Variants in RNLS observed in about 807,000 individuals in gnomAD.
The protein encoded by RNLS is renalase, FAD dependent amine oxidase.
A neutral mutation model predicts 39.8 loss-of-function variants in RNLS; 39 were observed. The ratio of observed to expected loss-of-function variants is 0.98; its 90% CI spans 0.76 to 1.28. The LOEUF is 1.28. Among genes scored for constraint, RNLS ranks in the 50% most tolerant of loss-of-function variants. The pLI, the probability that RNLS is intolerant of heterozygous loss-of-function variation, is 0.00. For synonymous variants in RNLS, 147 were observed against 150.7 expected (o/e 0.98, Z 0.18); for missense variants, 410 against 413.3 (o/e 0.99, Z 0.07).
At chr10:88,240,415 A>ATTTTTTT in the RNLS span, among the ~76,000 whole-genome samples, 35 of 116,130 alleles carry the variant, frequency 3.0e-4, no homozygotes, top group East Asian at 1.8e-3. Context: ...CCTTTTTTTA[A>ATTTTTTT]AAAAAAAAAA....
chr10:88,248,457 C>G, the RNLS span, among the ~76,000 whole-genome samples: 1 of 152,044 alleles, frequency 6.6e-6, no homozygotes, highest in Non-Finnish European at 1.5e-5. Context: ...TAGCAAGAGT[C>G]CAGAAAGATC....
At chr10:88,391,171 A>G (rs1001003917) in intron 4 of RNLS, among the ~76,000 whole-genome samples, 2 of 152,202 alleles carry the variant, frequency 1.3e-5, no homozygotes, top group Admixed American at 6.5e-5. Flanking sequence ...TATGTCTTCC[A>G]GTGTAGTTGT....
intron 4 of RNLS, among the ~76,000 whole-genome samples, chr10:88,500,565 T>G (rs1845419207): frequency 6.6e-6 from 1 of 152,148 alleles, no homozygotes; most frequent in Non-Finnish European, 1.5e-5. Context: ...CAAAAGCAAT[T>G]TTTTAAAACT....
chr10:88,314,247 G>A (rs1845587587), intron 6 of RNLS, among the ~76,000 whole-genome samples: 1 of 152,116 alleles, frequency 6.6e-6, no homozygotes, highest in South Asian at 2.1e-4. Flanking sequence ...TGAATTTGAA[G>A]ACAACATTGG....
At chr10:88,265,425 G>T in the RNLS span, among the ~76,000 whole-genome samples, 1 of 134,374 alleles carries the variant, frequency 7.4e-6, no homozygotes, top group Admixed American at 8.2e-5. Flanking sequence ...CATTGAAATT[G>T]TAGATTGCTT....
At chr10:88,520,842 A>C (rs1442453881) in intron 4 of RNLS, among the ~76,000 whole-genome samples, 1 of 151,978 alleles carries the variant, frequency 6.6e-6, no homozygotes, top group Non-Finnish European at 1.5e-5. Context: ...CTACCTTAAC[A>C]GTCTTCCTGA....
the RNLS span, among the ~76,000 whole-genome samples, chr10:88,222,950 C>T: frequency 6.6e-6 from 1 of 152,240 alleles, no homozygotes; most frequent in Admixed American, 6.5e-5. Flanking sequence ...AGCATAGTCT[C>T]AAATCATGAA....
chr10:88,229,014 A>C, the RNLS span, among the ~76,000 whole-genome samples: 1 of 152,156 alleles, frequency 6.6e-6, no homozygotes, highest in Non-Finnish European at 1.5e-5. Context: ...TCAGTCAATC[A>C]ATCAATCCAT....
At chr10:88,336,867 C>T (rs761126109) in intron 5 of RNLS, among the ~76,000 whole-genome samples, 9 of 151,968 alleles carry the variant, frequency 5.9e-5, no homozygotes, top group African/African-American at 4.8e-5. Context: ...GCCCTGAGAG[C>T]GGAGTAGATG....
At chr10:88,552,471 G>C (rs1419990703) in intron 4 of RNLS, among the ~76,000 whole-genome samples, 2 of 152,138 alleles carry the variant, frequency 1.3e-5, no homozygotes, top group Non-Finnish European at 2.9e-5. Flanking sequence ...ATAAGCATTT[G>C]GGCAATAAGG....
At chr10:88,264,074 G>A in the RNLS span, among the ~76,000 whole-genome samples, 1 of 152,088 alleles carries the variant, frequency 6.6e-6, no homozygotes, top group Non-Finnish European at 1.5e-5. Flanking sequence ...TATGACGTTT[G>A]GTTTTCCATT....
intron 6 of RNLS, among the ~76,000 whole-genome samples, chr10:88,303,475 G>A (rs1251134426): frequency 6.6e-6 from 1 of 152,160 alleles, no homozygotes; most frequent in Non-Finnish European, 1.5e-5. Flanking sequence ...CTTCTGTACT[G>A]GTGGACTGTG....
intron 3 of RNLS, among the ~76,000 whole-genome samples, chr10:88,579,709 T>C (rs1339478965): frequency 3.3e-5 from 5 of 152,180 alleles, no homozygotes; most frequent in Non-Finnish European, 7.4e-5. Flanking sequence ...ATGAAGCTGA[T>C]AGTAACATTC....
At chr10:88,203,613 C>A in the RNLS span, among the ~76,000 whole-genome samples, 1 of 149,840 alleles carries the variant, frequency 6.7e-6, no homozygotes, top group Non-Finnish European at 1.5e-5. Flanking sequence ...CCATTCTGGA[C>A]CTACTGAATC....
At chr10:88,266,694 TACACAC>T in the RNLS span, among the ~76,000 whole-genome samples, 13,407 of 134,124 alleles carry the variant, frequency 0.1, 673 homozygotes, top group East Asian at 0.19. Flanking sequence ...TTCTTTTAAA[TACACAC>T]ACACACACAC....
chr10:88,210,099 A>G, the RNLS span, among the ~76,000 whole-genome samples: 1 of 152,224 alleles, frequency 6.6e-6, no homozygotes, highest in African/African-American at 2.4e-5. Context: ...GCTCTCTTGA[A>G]TAGTAAGTGC....
chr10:88,291,941 T>C (rs1843697790), intron 6 of RNLS, among the ~76,000 whole-genome samples: 1 of 152,138 alleles, frequency 6.6e-6, no homozygotes, highest in African/African-American at 2.4e-5. Flanking sequence ...ACAGGCGTTT[T>C]AGCTACAACC....
At chr10:88,248,172 G>A in the RNLS span, among the ~76,000 whole-genome samples, 1 of 152,186 alleles carries the variant, frequency 6.6e-6, no homozygotes, top group Non-Finnish European at 1.5e-5. Context: ...ATTAAGTGAT[G>A]TCCCTTTTGT....
At chr10:88,445,347 C>T (rs567922785) in intron 4 of RNLS, among the ~76,000 whole-genome samples, 3 of 152,230 alleles carry the variant, frequency 2.0e-5, no homozygotes, top group African/African-American at 7.2e-5. Flanking sequence ...ACAACTGGTA[C>T]CAGCCACTGC....
Sources: allele counts gnomAD v4.1 joint callset (sites outside exome capture counted in the v4.1 genomes callset), GRCh38; gene constraint gnomAD v4.1.1; transcripts MANE v1.5; gene names NCBI Gene and HGNC (gene_info 2026-07-23, HGNC 2026-07-21).